Variants in SLC27A1 observed in about 807,000 individuals in gnomAD.
SLC27A1 encodes solute carrier family 27 member 1, also known as long-chain fatty acid transport protein 1.
In SLC27A1, 61 loss-of-function variants were observed where a neutral mutation model predicts 62.2. The observed-to-expected ratio is 0.98, with a 90% CI of 0.80 to 1.21. The LOEUF (loss-of-function observed/expected upper bound fraction) is 1.21, where lower values mean the gene tolerates loss of function less well. Among genes scored for constraint, SLC27A1 ranks in the 50% most tolerant of loss-of-function variants. The probability of loss-of-function intolerance (pLI) is 0.00; values close to 1 mark genes in which losing one functional copy is unlikely to be tolerated. For synonymous variants in SLC27A1, 435 were observed against 408.6 expected, an observed-to-expected ratio of 1.06 and a Z score of -0.78; for missense variants, 903 against 932.1, an observed-to-expected ratio of 0.97 and a Z score of 0.41.
At chr19:17,499,999 G>C (rs2075391713) in intron 7 of SLC27A1, 1 of 492,480 alleles carries the variant, frequency 2.0e-6, no homozygotes, top group Non-Finnish European at 3.6e-6. Context: ...TCCACACAGA[G>C]GCATCTACTT....
chr19:17,474,788 G>A lies in SLC27A1; in HGVS notation c.167+4081G>A, dbSNP rs188649828. Among the ~76,000 whole-genome samples, 66 of 151,560 alleles carry A rather than the reference G, an allele frequency of 4.4e-4. 1 individual carries two copies. The Middle Eastern group carries it at 0.01, about 23-fold the overall frequency. ...TGGGATTACCGGCATGCACCACCAC[G>A]CCCAGCTAATTTTGTATTTTTAGTA... On this transcript the variant is annotated intron_variant, in intron 1 of 11. Transcript: ENST00000252595.
upstream of SLC27A1, chr19:17,470,445 C>G: frequency 7.6e-7 from 1 of 1,320,140 alleles, no homozygotes; most frequent in Admixed American, 4.0e-5. Flanking sequence ...CCTGGGGGCG[C>G]GGCTCGCTGT....
chr19:17,493,628 CTT>C (rs773482808), intron 6 of SLC27A1, among the ~76,000 whole-genome samples: 4 of 143,602 alleles, frequency 2.8e-5, no homozygotes, highest in Admixed American at 7.0e-5. Flanking sequence ...TAGAACCTTA[CTT>C]TTTTTTTTTT....
chr19:17,486,955 C>A lies in SLC27A1; in HGVS notation c.560C>A (p.Ala187Glu). 1 of 1,569,556 alleles carries A rather than the reference C, an allele frequency of 6.4e-7. No homozygotes were observed. Among genetic ancestry groups the A allele is most frequent in the Non-Finnish European group, 8.6e-7 (1 of 1,164,910 alleles). The change falls in exon 2 of 12, where the codon GCG becomes GAG. Residue 187 changes from alanine (A) to glutamate (E), a missense_variant and splice_region_variant. Ala to Glu is a moderately radical substitution (Grantham distance 107). Transcript: ENST00000252595. The surrounding 1 kb of genome is among the most constrained non-coding windows in gnomAD (Gnocchi z 6.6). ...KALIFGGEMV[A>E]AVAEVSGHLG... ...CTGATCTTTGGAGGAGAAATGGTGGCGGGTGAGGCCAGGCGTGGGCATCAG... is the reference window on the plus strand; with the variant it reads ...CTGATCTTTGGAGGAGAAATGGTGGAGGGTGAGGCCAGGCGTGGGCATCAG...
chr19:17,483,841 A>T (rs555906830), intron 1 of SLC27A1: 1 of 152,726 alleles, frequency 6.5e-6, no homozygotes, highest in South Asian at 2.1e-4. Flanking sequence ...CACTGGCTGC[A>T]TTCCGGATGT....
At position 17,470,705 on chromosome 19, in the gene SLC27A1, C is replaced by G. The variant is rs1179347027; in HGVS notation, c.165C>G (p.Leu55=). The G allele has an allele frequency of 1.9e-6, 3 of 1,579,588 alleles. No individual in the cohort carries two copies. The highest frequency in any genetic ancestry group is 1.8e-5 in the Admixed American group (1 of 56,936). Residue 55 remains leucine (L), a splice_region_variant and synonymous_variant, in exon 1 of 12, where the codon CTC becomes CTG. Transcript: ENST00000252595. The stretch of plus-strand genomic sequence containing the variant: ...TCTGCAAGACCGCGAGGCGAGACCT[C>G]TTGTGAGTGTTGCCGGGATCCGTCC... The part of the protein sequence containing the change: ...RIVCKTARRD[L]FGLSVLIRVR...
At chr19:17,484,754 G>C (rs564815072) in intron 1 of SLC27A1, among the ~76,000 whole-genome samples, 1 of 152,324 alleles carries the variant, frequency 6.6e-6, no homozygotes, top group Non-Finnish European at 1.5e-5. Context: ...ATGAATGAAT[G>C]ACCGAGAGGA....
At chr19:17,484,268 A>G (rs754331743) in intron 1 of SLC27A1, 2 of 152,178 alleles carry the variant, frequency 1.3e-5, no homozygotes, top group Non-Finnish European at 1.5e-5. Context: ...TGAACAAAGG[A>G]GGGAATGAAA....
chr19:17,495,283 A>ATTT (rs71874067), intron 6 of SLC27A1: 27 of 129,906 alleles, frequency 2.1e-4, no homozygotes, highest in African/African-American at 4.5e-4. Flanking sequence ...CCATGTGCCC[A>ATTT]TTTTTTTTTT....
At chr19:17,482,364 C>G (rs944999094) in intron 1 of SLC27A1, among the ~76,000 whole-genome samples, 9 of 152,004 alleles carry the variant, frequency 5.9e-5, no homozygotes, top group Non-Finnish European at 1.3e-4. Context: ...ACTAAAAATA[C>G]AAAAATGGCC....
intron 1 of SLC27A1, among the ~76,000 whole-genome samples, chr19:17,483,117 G>A (rs1470638412): frequency 6.6e-6 from 1 of 151,600 alleles, no homozygotes; most frequent in African/African-American, 2.4e-5. Context: ...AGGGAATGAG[G>A]GAATGAATGA....
chr19:17,485,554 G>A (rs984012801), intron 1 of SLC27A1, among the ~76,000 whole-genome samples: 1 of 151,884 alleles, frequency 6.6e-6, no homozygotes, highest in Non-Finnish European at 1.5e-5. Context: ...TCTTGGCTGG[G>A]CATGGTGGCT....
rs550720711 is a variant in SLC27A1 at position 17,486,783 on chromosome 19, G to A, written c.388G>A (p.Val130Met). 1.3e-5 allele frequency: 21 copies of A among 1,603,316 alleles called. No homozygotes were observed. The South Asian group carries it at 1.4e-4, about 11-fold the overall frequency. Residue 130 changes from valine to methionine, a missense_variant, in exon 2 of 12, where the codon GTG (valine) becomes ATG (methionine). Coordinates refer to ENST00000252595, the MANE Select transcript of SLC27A1 (RefSeq NM_198580.3). This position sits in a 1 kb window ranked among gnomAD's most constrained non-coding sequence, Gnocchi z 6.6. ...FRQLGFAPGD[V>M]VAIFLEGRPE... is the part of the protein sequence containing the mutation. ...CCAGCTGGGCTTCGCGCCGGGCGAC[G>A]TGGTGGCCATCTTCCTGGAGGGCCG...
chr19:17,487,632 C>T (rs1191079243), intron 4 of SLC27A1, 103 bp downstream of exon 4: 4 of 1,184,838 alleles, frequency 3.4e-6, no homozygotes, highest in Non-Finnish European at 4.8e-6. Flanking sequence ...TCCATGTTAC[C>T]CTGGGGACAG....
At position 17,473,895 on chromosome 19, in the gene SLC27A1, C is replaced by T. The variant is rs540005466; in HGVS notation, c.167+3188C>T. Among the ~76,000 whole-genome samples, 14 of 152,232 alleles carry T rather than the reference C, an allele frequency of 9.2e-5. No individual in the cohort carries two copies. The South Asian group carries it at 2.7e-3, about 29-fold the overall frequency. ...AAAACAAAACAAAACAAAGATTTAA[C>T]TCATTTAACCCAGCATTTTTAGTTG... On this transcript the variant is annotated intron_variant, in intron 1 of 11. Transcript: ENST00000252595.
intron 1 of SLC27A1, among the ~76,000 whole-genome samples, chr19:17,485,191 CTTT>C (rs386388659): frequency 9.5e-6 from 1 of 104,994 alleles, no homozygotes; most frequent in Non-Finnish European, 1.9e-5. Context: ...TTTTTGTTTC[CTTT>C]TTTTTTTTTT....
chr19:17,488,650 C>T (rs544484014), intron 4 of SLC27A1, 198 bp from the exon 5 acceptor site: 8 of 616,494 alleles, frequency 1.3e-5, no homozygotes, highest in African/African-American at 7.3e-5. Flanking sequence ...CCTCTATGCC[C>T]CTTGACCCTA....
intron 7 of SLC27A1, 22 bp downstream of exon 7, chr19:17,497,486 G>T (rs1053588519): frequency 6.3e-7 from 1 of 1,591,370 alleles, no homozygotes; most frequent in African/African-American, 1.3e-5. Context: ...CAGGGCCCCG[G>T]GGCAGGTCTC....
intron 1 of SLC27A1, among the ~76,000 whole-genome samples, chr19:17,472,123 G>C (rs886824568): frequency 6.6e-6 from 1 of 152,168 alleles, no homozygotes; most frequent in Non-Finnish European, 1.5e-5. Flanking sequence ...GGCCGGGAGC[G>C]GTGGCTCACG....
Sources: allele counts gnomAD v4.1 joint callset (sites outside exome capture counted in the v4.1 genomes callset), GRCh38; gene constraint gnomAD v4.1.1; non-coding constraint Gnocchi (gnomAD v3.1); transcripts MANE v1.5; gene names NCBI Gene and HGNC (gene_info 2026-07-23, HGNC 2026-07-21).